Variants in ZBTB7A observed in about 807,000 individuals in gnomAD.
ZBTB7A encodes zinc finger and BTB domain containing 7A, also known as zinc finger and BTB domain-containing protein 7A.
In ZBTB7A, 7 loss-of-function variants were observed where a neutral mutation model predicts 26.7. That is an observed-to-expected ratio of 0.26 (90% CI 0.15 to 0.49). The LOEUF is 0.49. Among genes scored for constraint, ZBTB7A ranks in the 20% least tolerant of loss-of-function variants. ZBTB7A has a pLI of 0.98. For missense variants in ZBTB7A, 617 were observed against 919.5 expected, an observed-to-expected ratio of 0.67 and a Z score of 4.25; for synonymous variants, 452 against 441.0, an observed-to-expected ratio of 1.02 and a Z score of -0.31.
Position 4,045,853 on chromosome 19 carries a change from T to C in ZBTB7A, c.*1899A>G. ...GAGGTTGGGGGGAGGCAGGTCCCAG[T>C]CCCCCTGGATTACAGTCAGTGCCTT... On this transcript the variant is annotated 3_prime_UTR_variant, in exon 3 of 3. Transcript: ENST00000322357. The surrounding 1 kb of genome is among the most constrained non-coding windows in gnomAD (Gnocchi z 4.1). 1 of 398,110 alleles carries C rather than the reference T, an allele frequency of 2.5e-6. No homozygotes were observed. The allele number at this position is 398,110 out of a possible 1,614,324, so 24.7% of individuals were successfully genotyped here.
chr19:4,055,761 T>C (rs1005488938), intron 1 of ZBTB7A, among the ~76,000 whole-genome samples: 1 of 152,086 alleles, frequency 6.6e-6, no homozygotes, highest in Non-Finnish European at 1.5e-5. Flanking sequence ...AGGCAGAGCT[T>C]GCAGTGAGCT....
At chr19:4,062,155 T>G (rs2040644140) in intron 1 of ZBTB7A, 1 of 152,204 alleles carries the variant, frequency 6.6e-6, no homozygotes, top group Non-Finnish European at 1.5e-5. Flanking sequence ...CTCTCAGGCA[T>G]CCTGATAGGT....
chr19:4,060,177 G>A (rs540912499), intron 1 of ZBTB7A, among the ~76,000 whole-genome samples: 31 of 152,128 alleles, frequency 2.0e-4, no homozygotes, highest in Middle Eastern at 3.4e-3. Context: ...GAGGTGGGGC[G>A]CCCTCCTCCC....
chr19:4,050,841 G>A (rs2040496341), intron 2 of ZBTB7A, among the ~76,000 whole-genome samples: 1 of 152,052 alleles, frequency 6.6e-6, no homozygotes, highest in Non-Finnish European at 1.5e-5. Context: ...GCTCACACCT[G>A]TAACCCCAGC....
intron 2 of ZBTB7A, among the ~76,000 whole-genome samples, chr19:4,051,096 C>CAAAAAAAA (rs71166952): frequency 4.7e-5 from 2 of 42,426 alleles, no homozygotes; most frequent in Non-Finnish European, 7.9e-5. Flanking sequence ...AGACTCGTCT[C>CAAAAAAAA]AAAAAAAAAA....
chr19:4,057,792 A>C (rs1275760910), intron 1 of ZBTB7A, among the ~76,000 whole-genome samples: 2 of 151,504 alleles, frequency 1.3e-5, no homozygotes, highest in African/African-American at 2.4e-5. Context: ...AAAAAAAAAA[A>C]AAAAAACAAT....
chr19:4,045,120 G>GT lies in ZBTB7A; in HGVS notation c.*2631dup, dbSNP rs148439943. ...GTTTAGTGCAATCCCCGAGGTCTGT[G>GT]TAAGTGTCGCGGTGGGCCGCAGCCC... is the stretch of plus-strand genomic sequence containing the variant. On this transcript the variant is annotated 3_prime_UTR_variant, in exon 3 of 3. Transcript: ENST00000322357. The surrounding 1 kb of genome is among the most constrained non-coding windows in gnomAD (Gnocchi z 4.1). 5 of 152,420 alleles carry GT rather than the reference G, an allele frequency of 3.3e-5. No homozygotes were observed. The East Asian group carries it at 9.6e-4, about 29-fold the overall frequency. The allele number at this position is 152,420 out of a possible 1,614,324, so 9.4% of individuals were successfully genotyped here.
rs1282649641 is a variant in ZBTB7A, at chr19:4,046,695, C to A, written c.*1057G>T. On this transcript the variant is annotated 3_prime_UTR_variant, in exon 3 of 3. Transcript: ENST00000322357. ...TCCCCCCATCCCTGCCATCACCAGA[C>A]CCTGGGGTTCCTCTGATCGTGACTC... 6.7e-6 allele frequency: 1 copy of A among 149,656 alleles called. No individual in the cohort carries two copies. The highest frequency in any genetic ancestry group is 1.5e-5 in the Non-Finnish European group (1 of 67,492). 9.3% of individuals were successfully genotyped at this position (149,656 alleles called of 1,614,324 possible). A position where few individuals can be genotyped will look rare whatever the true frequency, so the allele number is the denominator to read the frequency against.
At position 4,054,818 on chromosome 19, in the gene ZBTB7A, C is replaced by T; in HGVS notation, c.415G>A (p.Asp139Asn). 2.5e-6 allele frequency: 4 copies of T among 1,597,552 alleles called. 1 individual carries two copies. Among genetic ancestry groups the T allele is most frequent in the South Asian group, 2.2e-5 (2 of 89,240 alleles). ...TCTACAAGGTCCAGCTGCCCGGCGT[C>T]GGCGCCCGCGTCGGCCGCCAGGATC... ...RQILAADAGA[D>N]AGQLDLVDQI... The change falls in exon 2 of 3, where the codon GAC becomes AAC. Residue 139 changes from aspartate (D) to asparagine (N), a missense_variant. This residue lies in a region of ZBTB7A where 331 missense variants were observed against 391.3 expected (regional missense o/e 0.85). Coordinates refer to ENST00000322357, the MANE Select transcript of ZBTB7A (RefSeq NM_015898.4).
At position 4,063,816 on chromosome 19, in the gene ZBTB7A, CCCCCTACGCTTCAGTCT is replaced by C. The variant is rs548567999; in HGVS notation, c.-16+2849_-16+2865del. ...AGTGACCTTGGGCCGCTCTCTGCTTCCCCCTACGCTTCAGTCTCCCCTGCCTAGTACCGGCACCTGCT... is the reference window on the plus strand; with the variant it reads ...AGTGACCTTGGGCCGCTCTCTGCTTCCCCCTGCCTAGTACCGGCACCTGCT... On this transcript the variant is annotated intron_variant, in intron 1 of 2. Coordinates refer to ENST00000322357, the MANE Select transcript of ZBTB7A (RefSeq NM_015898.4). 2.0e-3 allele frequency among the ~76,000 whole-genome samples: 306 copies of C among 152,320 alleles called. 1 individual carries two copies. The highest frequency in any genetic ancestry group is 6.3e-3 in the African/African-American group (260 of 41,564).
chr19:4,050,968 G>A (rs2040498504), intron 2 of ZBTB7A, among the ~76,000 whole-genome samples: 1 of 151,746 alleles, frequency 6.6e-6, no homozygotes, highest in South Asian at 2.1e-4. Context: ...CATGGTGGTG[G>A]GCGCCTATAA....
At chr19:4,066,025 G>C (rs915325497) in intron 1 of ZBTB7A, among the ~76,000 whole-genome samples, 1 of 149,128 alleles carries the variant, frequency 6.7e-6, no homozygotes, top group Non-Finnish European at 1.5e-5. Context: ...GCCGCGGCGG[G>C]CTGTCGGCGC....
chr19:4,065,568 A>C, intron 1 of ZBTB7A: 1 of 143,520 alleles, frequency 7.0e-6, no homozygotes, highest in African/African-American at 2.5e-5. Context: ...CCGGCGGCCA[A>C]TCCCCACCCG....
At chr19:4,056,201 G>A (rs1260391839) in intron 1 of ZBTB7A, among the ~76,000 whole-genome samples, 1 of 151,638 alleles carries the variant, frequency 6.6e-6, no homozygotes, top group East Asian at 1.9e-4. Flanking sequence ...GTACACAAGG[G>A]CGGCCAGCTG....
intron 1 of ZBTB7A, among the ~76,000 whole-genome samples, chr19:4,063,282 C>A (rs2040658416): frequency 6.6e-6 from 1 of 152,184 alleles, no homozygotes; most frequent in African/African-American, 2.4e-5. Flanking sequence ...GGTCACGGGG[C>A]TCATCCAAGG....
At chr19:4,059,366 GT>G (rs1428021982) in intron 1 of ZBTB7A, among the ~76,000 whole-genome samples, 3 of 152,164 alleles carry the variant, frequency 2.0e-5, no homozygotes, top group Non-Finnish European at 4.4e-5. Context: ...GAAGATCCCA[GT>G]TCCAGGTTGG....
intron 2 of ZBTB7A, among the ~76,000 whole-genome samples, chr19:4,050,851 C>A (rs548955469): frequency 2.4e-4 from 36 of 152,100 alleles, no homozygotes; most frequent in Non-Finnish European, 4.4e-4. Context: ...GTAACCCCAG[C>A]GCTTTGGGAG....
intron 2 of ZBTB7A, among the ~76,000 whole-genome samples, chr19:4,051,133 C>T (rs1388978287): frequency 7.5e-6 from 1 of 132,954 alleles, no homozygotes; most frequent in Non-Finnish European, 1.6e-5. Context: ...AAGTAGGTGT[C>T]TTGCCTATTC....
chr19:4,064,883 G>T (rs1230543369), intron 1 of ZBTB7A, among the ~76,000 whole-genome samples: 1 of 152,100 alleles, frequency 6.6e-6, no homozygotes, highest in Admixed American at 6.5e-5. Context: ...GGCGCCGACT[G>T]GGTGTCCGGG....
Sources: gnomAD v4.1 joint callset for allele counts (sites outside exome capture counted in the v4.1 genomes callset) on GRCh38, gnomAD v4.1.1 for gene constraint, gnomAD v4.1.1 regional missense constraint, Gnocchi (gnomAD v3.1) non-coding constraint, MANE v1.5 for transcripts, NCBI Gene and HGNC (gene_info 2026-07-23, HGNC 2026-07-21) for gene names.